The following LAMA4 variants were observed in gnomAD, a reference collection of about 807,000 sequenced individuals.
LAMA4 encodes the protein laminin subunit alpha 4, also known as laminin subunit alpha-4.
Under a neutral mutation model 207.1 loss-of-function variants are expected in LAMA4, and 127 were observed. The ratio of observed to expected loss-of-function variants is 0.61; its 90% CI spans 0.53 to 0.71. LAMA4 has a LOEUF of 0.71. Among genes scored for constraint, LAMA4 ranks in the 30% least tolerant of loss-of-function variants. LAMA4 has a pLI of 0.00. For missense variants in LAMA4, 2,093 were observed against 2,246.5 expected (o/e 0.93, Z 1.38); for synonymous variants, 761 against 816.0 (o/e 0.93, Z 1.15).
intron 6 of LAMA4, among the ~76,000 whole-genome samples, chr6:112,189,638 G>T (rs1489484644): frequency 6.6e-6 from 1 of 152,200 alleles, no homozygotes; most frequent in African/African-American, 2.4e-5. Flanking sequence ...ATTGCCAGGT[G>T]TGAGGGAGGA....
chr6:112,243,487 T>A (rs1191099062), intron 2 of LAMA4, among the ~76,000 whole-genome samples: 2 of 152,088 alleles, frequency 1.3e-5, no homozygotes, highest in East Asian at 1.9e-4. Flanking sequence ...TTTTTTAGTA[T>A]AATTGAGGCC....
At chr6:112,236,156 C>T (rs1785905405) in intron 2 of LAMA4, 1 of 152,170 alleles carries the variant, frequency 6.6e-6, no homozygotes, top group African/African-American at 2.4e-5. Context: ...TCTAGAAACC[C>T]TGTGTGGGAA....
chr6:112,214,187 A>G (rs1200328385), intron 3 of LAMA4: 1 of 445,334 alleles, frequency 2.2e-6, no homozygotes, highest in African/African-American at 2.0e-5. Context: ...ATTCATGTGC[A>G]AGCATTTTCT....
rs143587921 is a variant in LAMA4 at position 112,165,214 on chromosome 6, C to T, written c.1614G>A (p.Ala538=). 2.8e-4 allele frequency: 451 copies of T among 1,613,716 alleles called. No homozygotes were observed. The highest frequency in any genetic ancestry group is 3.4e-4 in the Non-Finnish European group (398 of 1,179,668). ...EVVNMSLSTS[A]DSLTTPRLTL... ...TTAGACGAGGTGTTGTCAGAGAGTCCGCAGATGTGCTCAGAGACATGTTCA... is the reference window on the plus strand; with the variant it reads ...TTAGACGAGGTGTTGTCAGAGAGTCTGCAGATGTGCTCAGAGACATGTTCA... The change falls in exon 13 of 39, where the codon GCG becomes GCA. Residue 538 remains alanine (A), a synonymous_variant. Coordinates refer to ENST00000230538, the MANE Select transcript of LAMA4 (RefSeq NM_001105206.3).
In LAMA4 at chr6:112,130,060, CT is replaced by C; in HGVS notation, c.3969-21del. 1 of 1,608,084 alleles carries C rather than the reference CT, an allele frequency of 6.2e-7. No homozygotes were observed. ...TCATATCTGCAAAAGAAAAAGGCTT[CT>C]TTACATACCACAGAGCTAGCATTTT... On this transcript the variant is annotated intron_variant, in intron 29 of 38. Coordinates refer to ENST00000230538, the MANE Select transcript of LAMA4 (RefSeq NM_001105206.3).
intron 27 of LAMA4, among the ~76,000 whole-genome samples, chr6:112,133,121 C>T (rs1203902607): frequency 2.0e-5 from 3 of 152,188 alleles, no homozygotes; most frequent in Non-Finnish European, 2.9e-5. Context: ...AGCACACCCT[C>T]TCTGGGTGTT....
At position 112,132,859 on chromosome 6, in the gene LAMA4, C is replaced by G. The variant is rs1464218549; in HGVS notation, c.3728G>C (p.Ser1243Thr). Residue 1243 changes from serine (S) to threonine (T), a missense_variant, in exon 28 of 39, where the codon AGC becomes ACC. Ser to Thr is a moderately conservative substitution (Grantham distance 58). Coordinates refer to ENST00000230538, the MANE Select transcript of LAMA4 (RefSeq NM_001105206.3). ...TATTTTCTGAATTGAAGCAATGAAG[C>G]TCTGTCCATTGAAATATGCTCTGCG... ...ISRRAYFNGQ[S>T]FIASIQKISF... 1 of 1,612,768 alleles carries G rather than the reference C, an allele frequency of 6.2e-7. No homozygotes were observed. The highest frequency in any genetic ancestry group is 1.7e-5 in the Admixed American group (1 of 59,976).
chr6:112,127,372 A>G (rs1194227138), intron 31 of LAMA4, among the ~76,000 whole-genome samples: 1 of 151,912 alleles, frequency 6.6e-6, no homozygotes, highest in Non-Finnish European at 1.5e-5. Flanking sequence ...GTGAGAGTTG[A>G]ACAATTGTAG....
chr6:112,201,033 G>GA lies in LAMA4; in HGVS notation c.503+574dup, dbSNP rs66967051. Among the ~76,000 whole-genome samples the GA allele has an allele frequency of 1.8e-3, 240 of 133,102 alleles. 2 individuals carry two copies. In the South Asian group the frequency reaches 0.02, roughly 11 times the overall value. The allele number at this position is 133,102 out of a possible 152,430, so 87.3% of individuals were successfully genotyped here. On this transcript the variant is annotated intron_variant, in intron 5 of 38. Transcript: ENST00000230538. ...GTATCCCAGAACTTAAAATATAATTGAAAAAAAAAAAGGAAAAAAAGAAAA... is the reference window on the plus strand; with the variant it reads ...GTATCCCAGAACTTAAAATATAATTGAAAAAAAAAAAAGGAAAAAAAGAAAA...
intron 14 of LAMA4, among the ~76,000 whole-genome samples, chr6:112,156,722 A>C (rs1295708462): frequency 1.3e-5 from 2 of 152,120 alleles, no homozygotes; most frequent in East Asian, 3.9e-4. Flanking sequence ...CAGATCCCAC[A>C]CTGGCTCCTG....
intron 4 of LAMA4, among the ~76,000 whole-genome samples, chr6:112,203,760 A>G (rs542957649): frequency 6.6e-6 from 1 of 152,102 alleles, no homozygotes; most frequent in East Asian, 1.9e-4. Flanking sequence ...CTCCTACATG[A>G]TATTTACTTA....
chr6:112,191,442 T>C (rs1228793645), intron 6 of LAMA4, among the ~76,000 whole-genome samples, 194 bp downstream of exon 6: 2 of 152,208 alleles, frequency 1.3e-5, no homozygotes, highest in Non-Finnish European at 2.9e-5. Context: ...TGAGCAAAAT[T>C]ATATTAGTAG....
intron 2 of LAMA4, among the ~76,000 whole-genome samples, chr6:112,223,702 A>G (rs1385625892): frequency 6.6e-6 from 1 of 152,180 alleles, no homozygotes; most frequent in African/African-American, 2.4e-5. Flanking sequence ...TTTCAGTGCT[A>G]TTCTCACCCT....
chr6:112,238,432 A>G (rs9481239), intron 2 of LAMA4, among the ~76,000 whole-genome samples: 14,077 of 152,242 alleles, frequency 0.092, 1,167 homozygotes, highest in African/African-American at 0.21. Flanking sequence ...AAAGTTGGCC[A>G]GGCATGGTGG....
intron 24 of LAMA4, among the ~76,000 whole-genome samples, chr6:112,137,249 T>C (rs1554331856): frequency 6.6e-6 from 1 of 152,186 alleles, no homozygotes; most frequent in East Asian, 1.9e-4. Context: ...TGTGGCAAGG[T>C]CCCTATTCTA....
chr6:112,126,973 C>T (rs1189075909), intron 31 of LAMA4, among the ~76,000 whole-genome samples: 1 of 152,142 alleles, frequency 6.6e-6, no homozygotes, highest in East Asian at 1.9e-4. Flanking sequence ...CTCCAGAATA[C>T]TCATAAGGCT....
At chr6:112,150,842 C>T (rs1780356989) in intron 16 of LAMA4, among the ~76,000 whole-genome samples, 1 of 152,140 alleles carries the variant, frequency 6.6e-6, no homozygotes. Flanking sequence ...TTGTGAGTGA[C>T]TTAGGATGCC....
Position 112,114,744 on chromosome 6 carries a change from C to CT in LAMA4, c.5124dup (p.Val1709SerfsTer3). On this transcript the variant is annotated frameshift_variant, in exon 37 of 39. Transcript: ENST00000230538. LOFTEE classifies it high-confidence loss of function. ...GAAAAATCTCTGATGCCATTATTGA[C>CT]TTTCACTATGACCTGCAAAAGATAG... 6.2e-7 allele frequency: 1 copy of CT among 1,609,282 alleles called. No homozygotes were observed.
chr6:112,160,276 T>C (rs1182996218), intron 13 of LAMA4, among the ~76,000 whole-genome samples: 12 of 152,126 alleles, frequency 7.9e-5, no homozygotes, highest in African/African-American at 2.9e-4. Flanking sequence ...GATGTATTTA[T>C]AGCTACACCT....
Sources: allele counts gnomAD v4.1 joint callset (sites outside exome capture counted in the v4.1 genomes callset), GRCh38; gene constraint gnomAD v4.1.1; transcripts MANE v1.5; gene names NCBI Gene and HGNC (gene_info 2026-07-23, HGNC 2026-07-21).